Variants in DDX6 observed in about 807,000 individuals in gnomAD.
DDX6 encodes DEAD-box helicase 6.
In DDX6, 7 loss-of-function variants were observed where a neutral mutation model predicts 60.6. The ratio of observed to expected loss-of-function variants is 0.12; its 90% CI spans 0.07 to 0.22. The LOEUF is 0.22. Among genes scored for constraint, DDX6 ranks in the 10% least tolerant of loss-of-function variants. The pLI is 1.00. For missense variants in DDX6, 270 were observed against 589.9 expected (o/e 0.46, Z 5.62); for synonymous variants, 207 against 201.0 (o/e 1.03, Z -0.25).
chr11:118,752,737 C>T (rs1467306200), intron 13 of DDX6, among the ~76,000 whole-genome samples: 1 of 152,146 alleles, frequency 6.6e-6, no homozygotes, highest in Non-Finnish European at 1.5e-5. Context: ...AAACAACCTA[C>T]CTTGCTTAAA....
chr11:118,763,422 C>T, intron 6 of DDX6, 116 bp from the exon 7 acceptor site: 9 of 794,230 alleles, frequency 1.1e-5, no homozygotes, highest in Non-Finnish European at 2.1e-6. Context: ...AAATGCATTG[C>T]TATGTGATGG....
chr11:118,748,282 TG>T lies in DDX6; in HGVS notation c.*3822del, dbSNP rs2137374701. On this transcript the variant is annotated 3_prime_UTR_variant, in exon 14 of 14. Transcript: ENST00000534980. ...GTCCAGGTGCCAGGCTAGCTCCCTCTGACCTCATGAACTGTGACAACCTTTG... is the reference window on the plus strand; with the variant it reads ...GTCCAGGTGCCAGGCTAGCTCCCTCTACCTCATGAACTGTGACAACCTTTG... 6.6e-6 allele frequency: 1 copy of T among 152,338 alleles called. No individual in the cohort carries two copies. Among genetic ancestry groups the T allele is most frequent in the African/African-American group, 2.4e-5 (1 of 41,570 alleles). The allele number at this position is 152,338 out of a possible 1,614,324, so 9.4% of individuals were successfully genotyped here.
chr11:118,766,649 G>A (rs143012900), intron 5 of DDX6, among the ~76,000 whole-genome samples: 323 of 152,206 alleles, frequency 2.1e-3, no homozygotes, highest in African/African-American at 7.5e-3. Context: ...CTGAAGTGCA[G>A]TGGCTGCCAT....
intron 6 of DDX6, 73 bp downstream of exon 6, chr11:118,765,133 ATTT>A: frequency 1.3e-6 from 2 of 1,536,718 alleles, no homozygotes; most frequent in South Asian, 1.2e-5. Context: ...CTTAAAAACA[ATTT>A]TTAATAATTT....
chr11:118,774,692 G>A (rs1861641826), intron 4 of DDX6, among the ~76,000 whole-genome samples: 1 of 151,834 alleles, frequency 6.6e-6, no homozygotes, highest in African/African-American at 2.4e-5. Context: ...CCAAAGTGCT[G>A]GGATTATAGG....
chr11:118,784,591 TG>T (rs1354019088), intron 2 of DDX6, among the ~76,000 whole-genome samples: 2 of 151,764 alleles, frequency 1.3e-5, no homozygotes, highest in African/African-American at 4.8e-5. Flanking sequence ...CCTGAGTAGC[TG>T]GGATTACAGG....
intron 9 of DDX6, 122 bp from the exon 10 acceptor site, chr11:118,757,409 TG>T: frequency 1.9e-6 from 1 of 521,312 alleles, no homozygotes; most frequent in East Asian, 3.2e-5. Flanking sequence ...TAGAATCTCA[TG>T]ATATGAGAGA....
rs1435210407 is a variant in DDX6, at chr11:118,750,924, T to C, written c.*1181A>G. ...ACTAACACAGGGTACCATAGAAATC[T>C]GCTCTCTACAGCACGAGGCCAAAGT... On this transcript the variant is annotated 3_prime_UTR_variant, in exon 14 of 14. Coordinates refer to ENST00000534980, the MANE Select transcript of DDX6 (RefSeq NM_004397.6). The C allele has an allele frequency of 2.0e-5, 3 of 152,446 alleles. No individual in the cohort carries two copies. Among genetic ancestry groups the C allele is most frequent in the Admixed American group, 2.0e-4 (3 of 15,250 alleles). 9.4% of individuals were successfully genotyped at this position (152,446 alleles called of 1,614,324 possible).
rs376361455 is a variant in DDX6, at chr11:118,750,192, CT to C, written c.*1912del. ...CAATTTTTTTTAATTTTGTTTTTTG[CT>C]TTTTTCCCCCCCTTTCCAGATGCCT... On this transcript the variant is annotated 3_prime_UTR_variant, in exon 14 of 14. Coordinates refer to ENST00000534980, the MANE Select transcript of DDX6 (RefSeq NM_004397.6). The C allele has an allele frequency of 1.4e-3, 211 of 151,832 alleles. 5 individuals are homozygous for C. The South Asian group carries it at 0.041, about 29-fold the overall frequency. The allele number at this position is 151,832 out of a possible 1,614,324, so 9.4% of individuals were successfully genotyped here.
intron 1 of DDX6, chr11:118,786,765 G>A (rs187941507): frequency 2.6e-3 from 405 of 154,616 alleles, no homozygotes; most frequent in African/African-American, 9.4e-3. Flanking sequence ...AGTAGAAAGA[G>A]ACTAGTAAAT....
At position 118,778,974 on chromosome 11, in the gene DDX6, A is replaced by G. The variant is rs998748564; in HGVS notation, c.369+658T>C. 3.9e-5 allele frequency among the ~76,000 whole-genome samples: 6 copies of G among 152,038 alleles called. No homozygotes were observed. The East Asian group carries it at 1.2e-3, about 29-fold the overall frequency. ...GAGTTTTAATCAGCCTGGATAACAT[A>G]GCAAAATCCTATCCCTACAAAAAAA... is the stretch of plus-strand genomic sequence containing the variant. On this transcript the variant is annotated intron_variant, in intron 4 of 13. Coordinates refer to ENST00000534980, the MANE Select transcript of DDX6 (RefSeq NM_004397.6).
chr11:118,768,364 A>G lies in DDX6; in HGVS notation c.370-12T>C. 1.2e-6 allele frequency: 2 copies of G among 1,610,988 alleles called. No individual in the cohort carries two copies. Among genetic ancestry groups the G allele is most frequent in the Non-Finnish European group, 1.7e-6 (2 of 1,179,624 alleles). On this transcript the variant is annotated splice_polypyrimidine_tract_variant and intron_variant, in intron 4 of 13. Coordinates refer to ENST00000534980, the MANE Select transcript of DDX6 (RefSeq NM_004397.6). ...GGAATGCTCTCCTCCTAAAAGAGAT[A>G]AGACAATACAAAATTACTTCTGAAT... is the stretch of plus-strand genomic sequence containing the variant.
chr11:118,776,589 CTT>C (rs2137515087), intron 4 of DDX6, among the ~76,000 whole-genome samples: 1 of 152,282 alleles, frequency 6.6e-6, no homozygotes, highest in African/African-American at 2.4e-5. Context: ...AATCCCAACA[CTT>C]TGGGAGACTG....
rs1860669116 is a variant in DDX6 at position 118,749,347 on chromosome 11, C to CGAAAAAAAAAAAAAAAA, written c.*2757_*2758insTTTTTTTTTTTTTTTTC. 1 of 21,946 alleles carries CGAAAAAAAAAAAAAAAA rather than the reference C, an allele frequency of 4.6e-5. No homozygotes were observed. The highest frequency in any genetic ancestry group is 7.0e-4 in the East Asian group (1 of 1,428). The allele number at this position is 21,946 out of a possible 1,614,324, so 1.4% of individuals were successfully genotyped here. On this transcript the variant is annotated 3_prime_UTR_variant, in exon 14 of 14. Coordinates refer to ENST00000534980, the MANE Select transcript of DDX6 (RefSeq NM_004397.6). Reference sequence around the variant, plus strand: ...AGTAACAATGCTTATTATGAGGGCCCAAAAAAGAAAGAAAAAAAAAAAAAA... The same window carrying CGAAAAAAAAAAAAAAAA: ...AGTAACAATGCTTATTATGAGGGCCCGAAAAAAAAAAAAAAAAAAAAAAGAAAGAAAAAAAAAAAAAA...
At chr11:118,765,453 C>T (rs1320647905) in intron 5 of DDX6, 98 bp from the exon 6 acceptor site, 2 of 1,303,170 alleles carry the variant, frequency 1.5e-6, no homozygotes, top group Non-Finnish European at 1.1e-6. Context: ...TATAGAAATA[C>T]TGCGCCTTAT....
intron 2 of DDX6, among the ~76,000 whole-genome samples, chr11:118,784,431 TTCCCAGG>T (rs1056896470): frequency 6.6e-5 from 10 of 151,982 alleles, no homozygotes; most frequent in Non-Finnish European, 2.9e-5. Context: ...CTTATAAAGA[TTCCCAGG>T]GTTAAATTAT....
intron 9 of DDX6, among the ~76,000 whole-genome samples, chr11:118,758,551 G>T (rs1861055754): frequency 6.6e-6 from 1 of 151,756 alleles, no homozygotes; most frequent in African/African-American, 2.4e-5. Flanking sequence ...TTTGTATTTT[G>T]TAGTAGAGAT....
upstream of DDX6, chr11:118,791,461 A>G (rs1862275661): frequency 6.6e-6 from 1 of 152,224 alleles, no homozygotes; most frequent in Admixed American, 6.5e-5. Context: ...CACAGCCGCG[A>G]CGTGATTGAG....
At chr11:118,756,016 TCCCCC>T (rs58124280) in intron 11 of DDX6, among the ~76,000 whole-genome samples, 4 of 81,406 alleles carry the variant, frequency 4.9e-5, no homozygotes, top group South Asian at 1.1e-3. Flanking sequence ...TCCATCCCCC[TCCCCC>T]CCCCCCCCAA....
Sources: allele counts gnomAD v4.1 joint callset (sites outside exome capture counted in the v4.1 genomes callset), GRCh38; gene constraint gnomAD v4.1.1; transcripts MANE v1.5; gene names NCBI Gene and HGNC (gene_info 2026-07-23, HGNC 2026-07-21).